ZNF148: variants seen among roughly 807,000 people sequenced by gnomAD.
The protein encoded by ZNF148 is Beta-Enolase Repressor Factor-1.
ZNF148 carries 7 observed loss-of-function variants against 67.7 expected under a neutral mutation model. The ratio of observed to expected loss-of-function variants is 0.10; its 90% CI spans 0.06 to 0.19. ZNF148 has a LOEUF of 0.19. Ranked by LOEUF, ZNF148 falls within the 10% of genes least tolerant of loss-of-function variation. The pLI, the probability that ZNF148 is intolerant of heterozygous loss-of-function variation, is 1.00. For missense variants in ZNF148, 583 were observed against 947.1 expected (o/e 0.62, Z 5.05); for synonymous variants, 333 against 330.7 (o/e 1.01, Z -0.08).
intron 1 of ZNF148, among the ~76,000 whole-genome samples, chr3:125,372,692 GCA>G (rs1942929785): frequency 6.6e-6 from 1 of 152,234 alleles, no homozygotes; most frequent in South Asian, 2.1e-4. Context: ...TAGAGGCCGA[GCA>G]CAGTGGCTCA....
At chr3:125,319,644 C>T (rs952762724) in intron 3 of ZNF148, among the ~76,000 whole-genome samples, 1 of 152,176 alleles carries the variant, frequency 6.6e-6, no homozygotes, top group Admixed American at 6.5e-5. Flanking sequence ...GGAAAGACAA[C>T]TAATGTGTGC....
At chr3:125,338,622 T>C in intron 1 of ZNF148, among the ~76,000 whole-genome samples, 2 of 115,778 alleles carry the variant, frequency 1.7e-5, no homozygotes, top group East Asian at 2.6e-4. Flanking sequence ...ATTGTGCCAC[T>C]GCACTCCAGA....
At chr3:125,353,533 T>C (rs1178036346) in intron 1 of ZNF148, among the ~76,000 whole-genome samples, 1 of 152,224 alleles carries the variant, frequency 6.6e-6, no homozygotes, top group Admixed American at 6.5e-5. Context: ...AGAAATTTAT[T>C]AAGATGTCTG....
chr3:125,364,478 A>G (rs1396010419), intron 1 of ZNF148, among the ~76,000 whole-genome samples: 1 of 152,254 alleles, frequency 6.6e-6, no homozygotes, highest in Non-Finnish European at 1.5e-5. Context: ...GTATATTCAT[A>G]TGATAGAATA....
chr3:125,350,926 CCAGTCA>C (rs1380378868), intron 1 of ZNF148, among the ~76,000 whole-genome samples: 1 of 152,078 alleles, frequency 6.6e-6, no homozygotes, highest in Admixed American at 6.5e-5. Context: ...GTGAAACAAG[CCAGTCA>C]CAGGAGGCCA....
chr3:125,353,192 GTATACAAAGTATACA>G (rs1345986929), intron 1 of ZNF148, among the ~76,000 whole-genome samples: 1 of 152,074 alleles, frequency 6.6e-6, no homozygotes, highest in East Asian at 1.9e-4. Flanking sequence ...AAGTATGTAT[GTATACAAAGTATACA>G]TACATAAACA....
chr3:125,313,534 G>C lies in ZNF148; in HGVS notation c.107C>G (p.Ser36Cys), dbSNP rs767899726. Residue 36 changes from serine to cysteine, a missense_variant, in exon 4 of 9, where the codon TCT becomes TGT. Coordinates refer to ENST00000360647, the MANE Select transcript of ZNF148 (RefSeq NM_021964.3). ...MVVMGGVSGQ[S>C]TVSGELQDSV... ...ATCCTGTAGCTCTCCAGACACAGTA[G>C]ACTGGCCAGACACTCCACCCATTAC... The C allele has an allele frequency of 6.2e-7, 1 of 1,614,142 alleles. No individual in the cohort carries two copies. Among genetic ancestry groups the C allele is most frequent in the Non-Finnish European group, 8.5e-7 (1 of 1,180,006 alleles).
At chr3:125,241,590 G>A (rs765550391) in intron 7 of ZNF148, among the ~76,000 whole-genome samples, 1 of 152,144 alleles carries the variant, frequency 6.6e-6, no homozygotes, top group Non-Finnish European at 1.5e-5. Flanking sequence ...AGCAGAAAGA[G>A]AATTAGCTCA....
At chr3:125,358,296 G>C (rs1399907150) in intron 1 of ZNF148, among the ~76,000 whole-genome samples, 1 of 151,800 alleles carries the variant, frequency 6.6e-6, no homozygotes, top group Non-Finnish European at 1.5e-5. Context: ...CTGGGCAACA[G>C]AGCAAGATGC....
At chr3:125,355,068 C>T (rs973432315) in intron 1 of ZNF148, among the ~76,000 whole-genome samples, 1 of 152,176 alleles carries the variant, frequency 6.6e-6, no homozygotes, top group Non-Finnish European at 1.5e-5. Flanking sequence ...CTCCATAACT[C>T]AATGTCTTCA....
Position 125,233,139 on chromosome 3 carries a change from A to G in ZNF148, c.1587T>C (p.Ser529=). 1 of 1,613,712 alleles carries G rather than the reference A, an allele frequency of 6.2e-7. No individual in the cohort carries two copies. Among genetic ancestry groups the G allele is most frequent in the Non-Finnish European group, 8.5e-7 (1 of 1,179,842 alleles). The change falls in exon 9 of 9, where the codon AGT becomes AGC. Residue 529 remains serine (S), a synonymous_variant. Coordinates refer to ENST00000360647, the MANE Select transcript of ZNF148 (RefSeq NM_021964.3). This position sits in a 1 kb window ranked among gnomAD's most constrained non-coding sequence, Gnocchi z 5.1. ...ESQALNVEIK[S]NHDKNVIPDE... is the part of the protein sequence containing the mutation. ...CTGGAATAACATTTTTGTCATGATT[A>G]CTCTTAATCTCCACATTCAGTGCCT...
At chr3:125,371,384 G>C (rs1045849117) in intron 1 of ZNF148, among the ~76,000 whole-genome samples, 1 of 102,908 alleles carries the variant, frequency 9.7e-6, no homozygotes, top group Non-Finnish European at 2.0e-5. Context: ...GGGGGGGGGG[G>C]GGCAGGGCGA....
intron 7 of ZNF148, among the ~76,000 whole-genome samples, chr3:125,273,819 C>T (rs982306638): frequency 6.6e-6 from 1 of 152,040 alleles, no homozygotes; most frequent in African/African-American, 2.4e-5. Context: ...ATAGAAATAG[C>T]TTCGTAACAT....
chr3:125,339,849 C>A (rs974706268), intron 1 of ZNF148, among the ~76,000 whole-genome samples: 1 of 151,820 alleles, frequency 6.6e-6, no homozygotes, highest in African/African-American at 2.4e-5. Flanking sequence ...AATTATATAC[C>A]ATTATTTTCA....
At chr3:125,371,372 A>AAG (rs1942875272) in intron 1 of ZNF148, among the ~76,000 whole-genome samples, 1 of 65,370 alleles carries the variant, frequency 1.5e-5, no homozygotes. Context: ...AAAAAAAAAA[A>AAG]GGGGGGGGGG....
At chr3:125,359,016 C>T (rs1234820326) in intron 1 of ZNF148, among the ~76,000 whole-genome samples, 1 of 152,196 alleles carries the variant, frequency 6.6e-6, no homozygotes, top group Non-Finnish European at 1.5e-5. Context: ...TCATCATTGG[C>T]CTAACCCACA....
intron 1 of ZNF148, among the ~76,000 whole-genome samples, chr3:125,373,020 CAT>C (rs1315200825): frequency 6.6e-6 from 1 of 151,906 alleles, no homozygotes; most frequent in Non-Finnish European, 1.5e-5. Flanking sequence ...ACAATAATGA[CAT>C]ATTTAAGTGC....
chr3:125,331,556 T>C (rs923817413), intron 1 of ZNF148, among the ~76,000 whole-genome samples: 1 of 152,134 alleles, frequency 6.6e-6, no homozygotes, highest in African/African-American at 2.4e-5. Flanking sequence ...TATCATAACA[T>C]AGGAAGGAAA....
At chr3:125,296,744 TAAAG>T (rs1939303553) in intron 4 of ZNF148, among the ~76,000 whole-genome samples, 2 of 152,050 alleles carry the variant, frequency 1.3e-5, no homozygotes, top group Admixed American at 6.5e-5. Flanking sequence ...TACCCAATAA[TAAAG>T]AAATAGGGAG....
Sources: allele counts gnomAD v4.1 joint callset (sites outside exome capture counted in the v4.1 genomes callset), GRCh38; gene constraint gnomAD v4.1.1; non-coding constraint Gnocchi (gnomAD v3.1); transcripts MANE v1.5; gene names NCBI Gene and HGNC (gene_info 2026-07-23, HGNC 2026-07-21).